ARHGAP5: variants seen among roughly 807,000 people sequenced by gnomAD.
The protein encoded by ARHGAP5 is rho GTPase-activating protein 5.
Under a neutral mutation model 116.6 loss-of-function variants are expected in ARHGAP5, and 23 were observed. The ratio of observed to expected loss-of-function variants is 0.20; its 90% CI spans 0.14 to 0.28. The LOEUF (loss-of-function observed/expected upper bound fraction) is 0.28, where lower values mean the gene tolerates loss of function less well. Among genes scored for constraint, ARHGAP5 ranks in the 10% least tolerant of loss-of-function variants. The pLI is 1.00. For synonymous variants in ARHGAP5, 574 were observed against 602.0 expected (o/e 0.95, Z 0.68); for missense variants, 1,405 against 1,774.8 (o/e 0.79, Z 3.74).
intron 1 of ARHGAP5, among the ~76,000 whole-genome samples, chr14:32,079,305 G>T (rs2041747773): frequency 6.6e-6 from 1 of 152,176 alleles, no homozygotes; most frequent in Non-Finnish European, 1.5e-5. Flanking sequence ...AAGAGTACTG[G>T]GGAGTGAGGT....
intron 2 of ARHGAP5, among the ~76,000 whole-genome samples, chr14:32,111,450 T>G (rs1037695778): frequency 2.6e-5 from 4 of 152,202 alleles, no homozygotes; most frequent in African/African-American, 9.7e-5. Context: ...GAACTAATTA[T>G]AGAAAACAGT....
chr14:32,084,836 ACT>A (rs918252117), intron 1 of ARHGAP5, among the ~76,000 whole-genome samples: 7 of 152,136 alleles, frequency 4.6e-5, no homozygotes, highest in Admixed American at 1.3e-4. Flanking sequence ...ACATAGTGAG[ACT>A]CTCTACAAAA....
intron 3 of ARHGAP5, among the ~76,000 whole-genome samples, chr14:32,126,685 A>G (rs1880170375): frequency 6.6e-6 from 1 of 152,228 alleles, no homozygotes; most frequent in South Asian, 2.1e-4. Flanking sequence ...ATTATTATGA[A>G]AGGACATTGG....
chr14:32,120,442 C>G (rs1190494251), intron 3 of ARHGAP5, among the ~76,000 whole-genome samples: 1 of 148,952 alleles, frequency 6.7e-6, no homozygotes, highest in Non-Finnish European at 1.5e-5. Flanking sequence ...TTTGGTTTTT[C>G]TGAAGTTTCT....
In ARHGAP5 at chr14:32,093,927, T is replaced by A. The variant is rs1424483794; in HGVS notation, c.3258T>A (p.Asp1086Glu). The A allele has an allele frequency of 1.9e-6, 3 of 1,614,060 alleles. No homozygotes were observed. The Admixed American group carries it at 5.0e-5, about 27-fold the overall frequency. The change falls in exon 2 of 7, where the codon GAT becomes GAA. Residue 1086 changes from aspartate (D) to glutamate (E), a missense_variant. Coordinates refer to ENST00000345122, the MANE Select transcript of ARHGAP5 (RefSeq NM_001030055.2). The stretch of plus-strand genomic sequence containing the variant: ...CTTTGGCACATCCTGAAGATATGGA[T>A]CCTTCAGATAACTATGCGGAACCCA... ...RVPLAHPEDMDPSDNYAEPID... is the reference protein window; with the variant it reads ...RVPLAHPEDMEPSDNYAEPID...
Position 32,093,396 on chromosome 14 carries a change from T to C in ARHGAP5, c.2727T>C (p.Thr909=). 3 of 1,613,982 alleles carry C rather than the reference T, an allele frequency of 1.9e-6. No homozygotes were observed. The highest frequency in any genetic ancestry group is 2.7e-5 in the African/African-American group (2 of 75,030). Residue 909 remains threonine (T), a synonymous_variant, in exon 2 of 7, where the codon ACT becomes ACC. Coordinates refer to ENST00000345122, the MANE Select transcript of ARHGAP5 (RefSeq NM_001030055.2). ...ELMTEGEHIA[T]EITAKFTALY... ...TGACTGAAGGAGAACACATTGCAACTGAGATCACTGCTAAATTTACAGCAC... is the reference window on the plus strand; with the variant it reads ...TGACTGAAGGAGAACACATTGCAACCGAGATCACTGCTAAATTTACAGCAC...
At chr14:32,124,893 CA>C (rs1880062347) in intron 3 of ARHGAP5, among the ~76,000 whole-genome samples, 1 of 152,022 alleles carries the variant, frequency 6.6e-6, no homozygotes, top group Non-Finnish European at 1.5e-5. Flanking sequence ...GTTCACAGTG[CA>C]AACAGGCTAT....
chr14:32,154,970 G>T lies in ARHGAP5; in HGVS notation c.*22G>T. Reference sequence around the variant, plus strand: ...ATGAGTAGGAAGTGATTGCAAACAGGCTGGATTTGGACAAAAAGCAAATCT... The same window carrying T: ...ATGAGTAGGAAGTGATTGCAAACAGTCTGGATTTGGACAAAAAGCAAATCT... On this transcript the variant is annotated 3_prime_UTR_variant, in exon 7 of 7. Transcript: ENST00000345122. 6.3e-7 allele frequency: 1 copy of T among 1,594,684 alleles called. No individual in the cohort carries two copies. Among genetic ancestry groups the T allele is most frequent in the Non-Finnish European group, 8.6e-7 (1 of 1,167,734 alleles).
At chr14:32,107,460 G>A (rs10143850) in intron 2 of ARHGAP5, among the ~76,000 whole-genome samples, 1 of 152,140 alleles carries the variant, frequency 6.6e-6, no homozygotes, top group Non-Finnish European at 1.5e-5. Context: ...TTCCTCTGGT[G>A]CCTGTTTTTA....
At chr14:32,139,622 G>A (rs1174181996) in intron 3 of ARHGAP5, among the ~76,000 whole-genome samples, 18 of 151,602 alleles carry the variant, frequency 1.2e-4, no homozygotes, top group South Asian at 2.1e-4. Flanking sequence ...CTAGCTAAAG[G>A]TTTGTCAATT....
chr14:32,080,077 C>G (rs959118855), intron 1 of ARHGAP5, among the ~76,000 whole-genome samples: 1 of 151,788 alleles, frequency 6.6e-6, no homozygotes, highest in East Asian at 1.9e-4. Context: ...AGGCTTTTGT[C>G]GATTATTTTA....
intron 2 of ARHGAP5, among the ~76,000 whole-genome samples, chr14:32,100,473 C>T (rs548426902): frequency 1.2e-4 from 18 of 152,222 alleles, no homozygotes; most frequent in Middle Eastern, 3.4e-3. Flanking sequence ...ACTAGGACTA[C>T]GTGTGTGTGC....
At chr14:32,098,248 C>G (rs116778014) in intron 2 of ARHGAP5, among the ~76,000 whole-genome samples, 15 of 152,284 alleles carry the variant, frequency 9.9e-5, no homozygotes, top group African/African-American at 3.6e-4. Context: ...TACTGGCACA[C>G]AGATAGGCAT....
At position 32,092,753 on chromosome 14, in the gene ARHGAP5, C is replaced by T; in HGVS notation, c.2084C>T (p.Pro695Leu). The change falls in exon 2 of 7, where the codon CCA (proline) becomes CTA (leucine). Residue 695 changes from proline to leucine, a missense_variant. Physicochemically the swap from Pro to Leu is moderately conservative, Grantham distance 98. This residue lies in a region of ARHGAP5 where 944 missense variants were observed against 1,095.3 expected (regional missense o/e 0.86). Transcript: ENST00000345122. This position sits in a 1 kb window ranked among gnomAD's most constrained non-coding sequence, Gnocchi z 4.1. ...AAAGATAAATACATGGCTAATCTTC[C>T]ATTTACATTAATTCTGGCTAATCAG... ...IRKDKYMANLPFTLILANQRD... is the reference protein window; with the variant it reads ...IRKDKYMANLLFTLILANQRD... The T allele has an allele frequency of 1.2e-6, 2 of 1,613,778 alleles. No individual in the cohort carries two copies. Among genetic ancestry groups the T allele is most frequent in the Non-Finnish European group, 1.7e-6 (2 of 1,179,836 alleles).
At chr14:32,117,903 T>C (rs1879684129) in intron 3 of ARHGAP5, among the ~76,000 whole-genome samples, 2 of 152,114 alleles carry the variant, frequency 1.3e-5, no homozygotes. Flanking sequence ...AGGTGGAAAA[T>C]AGGGACAGAA....
chr14:32,102,624 T>A (rs976982560), intron 2 of ARHGAP5, among the ~76,000 whole-genome samples: 9 of 152,202 alleles, frequency 5.9e-5, no homozygotes, highest in Non-Finnish European at 8.8e-5. Flanking sequence ...TTCTGTGAAA[T>A]TAAGATAATT....
At chr14:32,109,905 C>A (rs1187408511) in intron 2 of ARHGAP5, among the ~76,000 whole-genome samples, 1 of 151,880 alleles carries the variant, frequency 6.6e-6, no homozygotes, top group East Asian at 1.9e-4. Context: ...TTTTTCCCCC[C>A]ACTGTTGGTC....
chr14:32,117,429 C>A, intron 3 of ARHGAP5, 142 bp downstream of exon 3: 2 of 713,482 alleles, frequency 2.8e-6, no homozygotes, highest in Non-Finnish European at 4.1e-6. Context: ...ATCAGGTAAC[C>A]ATCTGATATT....
chr14:32,134,430 A>G (rs1313752497), intron 3 of ARHGAP5, among the ~76,000 whole-genome samples: 1 of 152,222 alleles, frequency 6.6e-6, no homozygotes, highest in East Asian at 1.9e-4. Flanking sequence ...CTGAAATGTC[A>G]AGTATCACCG....
Sources: allele counts gnomAD v4.1 joint callset (sites outside exome capture counted in the v4.1 genomes callset), GRCh38; gene constraint gnomAD v4.1.1; regional missense constraint gnomAD v4.1.1; non-coding constraint Gnocchi (gnomAD v3.1); transcripts MANE v1.5; gene names NCBI Gene and HGNC (gene_info 2026-07-23, HGNC 2026-07-21).